The following SLC35F1 variants were observed in gnomAD, a reference collection of about 807,000 sequenced individuals.
The protein encoded by SLC35F1 is solute carrier family 35 member F1.
In SLC35F1, 14 loss-of-function variants were observed where a neutral mutation model predicts 48.7. That is an observed-to-expected ratio of 0.29 (90% CI 0.19 to 0.45). The LOEUF is 0.45. SLC35F1 is among the 20% of genes least tolerant of loss of function. The pLI is 1.00. For synonymous variants in SLC35F1, 190 were observed against 202.2 expected, an observed-to-expected ratio of 0.94 and a Z score of 0.51; for missense variants, 404 against 500.0, an observed-to-expected ratio of 0.81 and a Z score of 1.83.
chr6:118,166,606 GGTAA>G (rs1202974342), intron 2 of SLC35F1, among the ~76,000 whole-genome samples: 5 of 152,114 alleles, frequency 3.3e-5, no homozygotes. Context: ...TAAGGAACTT[GGTAA>G]GTAACTTCTT....
intron 1 of SLC35F1, among the ~76,000 whole-genome samples, chr6:118,148,918 T>A (rs868058132): frequency 3.9e-5 from 6 of 152,298 alleles, no homozygotes; most frequent in Middle Eastern, 3.4e-3. Context: ...CTTTCAGAGC[T>A]AGTAGTTTTT....
At chr6:118,128,814 TA>T (rs201785931) in intron 1 of SLC35F1, among the ~76,000 whole-genome samples, 2,942 of 151,206 alleles carry the variant, frequency 0.019, 93 homozygotes, top group African/African-American at 0.063. Context: ...AGTATAATAA[TA>T]AAAATAAATA....
At chr6:118,071,823 C>A (rs1025760987) in intron 1 of SLC35F1, among the ~76,000 whole-genome samples, 2 of 152,160 alleles carry the variant, frequency 1.3e-5, no homozygotes, top group Non-Finnish European at 2.9e-5. Flanking sequence ...TGGTATCCTG[C>A]TTCTCCAGTT....
At chr6:118,239,060 T>C (rs1231114402) in intron 3 of SLC35F1, among the ~76,000 whole-genome samples, 1 of 143,714 alleles carries the variant, frequency 7.0e-6, no homozygotes, top group Non-Finnish European at 1.5e-5. Context: ...TGAGAACAAG[T>C]CTCTCTCTCT....
At chr6:118,313,138 A>T (rs1018252652) in intron 7 of SLC35F1, among the ~76,000 whole-genome samples, 1 of 152,220 alleles carries the variant, frequency 6.6e-6, no homozygotes, top group East Asian at 1.9e-4. Flanking sequence ...GAGAAGGCAT[A>T]TAAGAAACTA....
chr6:118,207,797 G>T (rs1465098224), intron 2 of SLC35F1, among the ~76,000 whole-genome samples: 3 of 152,108 alleles, frequency 2.0e-5, no homozygotes, highest in African/African-American at 7.2e-5. Flanking sequence ...CTATCACCTA[G>T]AATTCCCTTA....
intron 1 of SLC35F1, among the ~76,000 whole-genome samples, chr6:117,921,078 A>G (rs1582562219): frequency 7.7e-6 from 1 of 129,468 alleles, no homozygotes; most frequent in East Asian, 2.2e-4. Context: ...ACACACACAC[A>G]CACACACACA....
intron 1 of SLC35F1, among the ~76,000 whole-genome samples, chr6:118,146,382 T>C (rs1773973638): frequency 6.6e-6 from 1 of 152,172 alleles, no homozygotes; most frequent in Admixed American, 6.5e-5. Context: ...TTTACCCATA[T>C]CTTCTATTAT....
At chr6:117,958,903 A>G (rs977242298) in intron 1 of SLC35F1, among the ~76,000 whole-genome samples, 1 of 152,220 alleles carries the variant, frequency 6.6e-6, no homozygotes, top group African/African-American at 2.4e-5. Flanking sequence ...TAAAATACTC[A>G]TTCATTTGGT....
chr6:118,192,390 A>G (rs1306124777), intron 2 of SLC35F1, among the ~76,000 whole-genome samples: 1 of 152,146 alleles, frequency 6.6e-6, no homozygotes, highest in African/African-American at 2.4e-5. Flanking sequence ...CCATGATACG[A>G]TTTTAAAGTT....
intron 4 of SLC35F1, among the ~76,000 whole-genome samples, chr6:118,267,632 A>T (rs774924412): frequency 1.3e-5 from 2 of 152,240 alleles, no homozygotes; most frequent in Non-Finnish European, 2.9e-5. Flanking sequence ...AGGTTGGTTT[A>T]TAGGCCCACG....
At chr6:118,288,250 A>G (rs1291468678) in intron 7 of SLC35F1, among the ~76,000 whole-genome samples, 2 of 152,270 alleles carry the variant, frequency 1.3e-5, no homozygotes, top group East Asian at 3.9e-4. Flanking sequence ...ATAGGTCTCA[A>G]TCAATTTGGA....
At chr6:117,988,827 G>A (rs1776881088) in intron 1 of SLC35F1, among the ~76,000 whole-genome samples, 2 of 152,144 alleles carry the variant, frequency 1.3e-5, no homozygotes, top group Non-Finnish European at 2.9e-5. Flanking sequence ...TTCTGTTTGG[G>A]ATGATGAAAA....
At chr6:117,952,023 C>T (rs1776368706) in intron 1 of SLC35F1, among the ~76,000 whole-genome samples, 1 of 152,236 alleles carries the variant, frequency 6.6e-6, no homozygotes, top group African/African-American at 2.4e-5. Flanking sequence ...CTGCCTCATG[C>T]TGTGTCCTTC....
intron 1 of SLC35F1, among the ~76,000 whole-genome samples, chr6:118,130,859 C>T (rs1214703534): frequency 6.6e-6 from 1 of 152,002 alleles, no homozygotes; most frequent in Non-Finnish European, 1.5e-5. Context: ...AGTAACAGAA[C>T]TAAAGCCAAT....
chr6:118,290,795 A>G, intron 7 of SLC35F1, among the ~76,000 whole-genome samples: 1 of 95,492 alleles, frequency 1.0e-5, no homozygotes, highest in Non-Finnish European at 2.2e-5. Context: ...CAGAAAATCG[A>G]CTATTTTTTT....
chr6:118,145,637 G>A (rs888491291), intron 1 of SLC35F1, among the ~76,000 whole-genome samples: 6 of 152,050 alleles, frequency 3.9e-5, no homozygotes, highest in African/African-American at 1.4e-4. Flanking sequence ...TTTAAATATG[G>A]ATTTATTTCC....
At chr6:118,017,840 A>G (rs774598225) in intron 1 of SLC35F1, among the ~76,000 whole-genome samples, 1 of 152,198 alleles carries the variant, frequency 6.6e-6, no homozygotes, top group Non-Finnish European at 1.5e-5. Flanking sequence ...AAAAATGCAT[A>G]AAGAAGTCAA....
At chr6:118,006,342 T>A (rs780945681) in intron 1 of SLC35F1, among the ~76,000 whole-genome samples, 8 of 152,142 alleles carry the variant, frequency 5.3e-5, no homozygotes, top group Non-Finnish European at 1.0e-4. Context: ...TTTGGCCAGG[T>A]GTGGTGGCAC....
Sources: allele counts gnomAD v4.1 joint callset (sites outside exome capture counted in the v4.1 genomes callset), GRCh38; gene constraint gnomAD v4.1.1; transcripts MANE v1.5; gene names NCBI Gene and HGNC (gene_info 2026-07-23, HGNC 2026-07-21).